Variants in CAMK4 observed in about 807,000 individuals in gnomAD.
The protein encoded by CAMK4 is calcium/calmodulin dependent protein kinase IV.
In CAMK4, 22 loss-of-function variants were observed where a neutral mutation model predicts 44.9. That is an observed-to-expected ratio of 0.49 (90% CI 0.35 to 0.70). The LOEUF is 0.70. CAMK4 is among the 30% of genes least tolerant of loss of function. The pLI, the probability that CAMK4 is intolerant of heterozygous loss-of-function variation, is 0.01. For synonymous variants in CAMK4, 218 were observed against 215.4 expected, an observed-to-expected ratio of 1.01 and a Z score of -0.11; for missense variants, 498 against 586.8, an observed-to-expected ratio of 0.85 and a Z score of 1.56.
At chr5:111,414,122 A>G (rs1436997526) in intron 5 of CAMK4, among the ~76,000 whole-genome samples, 1 of 152,196 alleles carries the variant, frequency 6.6e-6, no homozygotes, top group Non-Finnish European at 1.5e-5. Context: ...GCTGTGAGTC[A>G]GACTTTGGAC....
intron 1 of CAMK4, among the ~76,000 whole-genome samples, chr5:111,295,172 T>C (rs961482330): frequency 6.6e-6 from 1 of 152,196 alleles, no homozygotes; most frequent in Admixed American, 6.5e-5. Context: ...TTCCCCTTTA[T>C]CTCCTATTTA....
chr5:111,454,861 T>TAA lies in CAMK4; in HGVS notation c.625+5666_625+5667dup, dbSNP rs3216647. 1.5e-4 allele frequency among the ~76,000 whole-genome samples: 23 copies of TAA among 151,280 alleles called. No individual in the cohort carries two copies. The South Asian group carries it at 2.1e-3, about 14-fold the overall frequency. On this transcript the variant is annotated intron_variant, in intron 7 of 10. Transcript: ENST00000282356. ...GAAACCACTATGTTAAGGGCTTAGG[T>TAA]AAAAAAAAATTATATCTAATACGAA...
intron 1 of CAMK4, among the ~76,000 whole-genome samples, chr5:111,296,809 A>T (rs572559794): frequency 6.6e-6 from 1 of 152,342 alleles, no homozygotes; most frequent in African/African-American, 2.4e-5. Context: ...AGAGCCAGAC[A>T]CTTCTGATTC....
At chr5:111,308,831 A>T (rs1042761808) in intron 1 of CAMK4, among the ~76,000 whole-genome samples, 2 of 152,220 alleles carry the variant, frequency 1.3e-5, no homozygotes, top group African/African-American at 4.8e-5. Context: ...GGGAAAATTA[A>T]ATATTCAGTA....
chr5:111,457,505 C>T (rs983982778), intron 7 of CAMK4, among the ~76,000 whole-genome samples: 21 of 152,208 alleles, frequency 1.4e-4, no homozygotes, highest in Admixed American at 2.6e-4. Context: ...GATGATTCCA[C>T]ACACTTGCCA....
At position 111,284,171 on chromosome 5, in the gene CAMK4, T is replaced by C. The variant is rs547249276; in HGVS notation, c.161+59527T>C. On this transcript the variant is annotated intron_variant, in intron 1 of 10. Coordinates refer to ENST00000282356, the MANE Select transcript of CAMK4 (RefSeq NM_001744.6). ...CTTTATATCTCCCTTATTAACTCTATTGGCCAGAAAATTTTAAATATCTAG... is the reference window on the plus strand; with the variant it reads ...CTTTATATCTCCCTTATTAACTCTACTGGCCAGAAAATTTTAAATATCTAG... Among the ~76,000 whole-genome samples, 5 of 152,356 alleles carry C rather than the reference T, an allele frequency of 3.3e-5. No individual in the cohort carries two copies. The South Asian group carries it at 1.0e-3, about 32-fold the overall frequency.
At chr5:111,418,461 C>CT (rs1205479616) in intron 5 of CAMK4, among the ~76,000 whole-genome samples, 1 of 150,982 alleles carries the variant, frequency 6.6e-6, no homozygotes, top group African/African-American at 2.4e-5. Context: ...TTTTTATATA[C>CT]TTTAAGTTTT....
rs145326396 is a variant in CAMK4 at position 111,236,531 on chromosome 5, G to A, written c.161+11887G>A. Among the ~76,000 whole-genome samples, 534 of 152,360 alleles carry A rather than the reference G, an allele frequency of 3.5e-3. 4 individuals carry two copies. The highest frequency in any genetic ancestry group is 0.012 in the African/African-American group (497 of 41,582). ...AGAGCTGAGATTCAAGCCCTGGTTT[G>A]TCAGACTTCAGCACTCATGCTCTTT... is the stretch of plus-strand genomic sequence containing the variant. On this transcript the variant is annotated intron_variant, in intron 1 of 10. Transcript: ENST00000282356.
intron 1 of CAMK4, among the ~76,000 whole-genome samples, chr5:111,297,277 T>C (rs770385637): frequency 2.6e-5 from 4 of 152,186 alleles, no homozygotes; most frequent in Non-Finnish European, 5.9e-5. Context: ...TTTCCAAAAA[T>C]AGCACAATGC....
chr5:111,296,500 AG>A (rs756830156), intron 1 of CAMK4, among the ~76,000 whole-genome samples: 1 of 152,214 alleles, frequency 6.6e-6, no homozygotes, highest in African/African-American at 2.4e-5. Flanking sequence ...CTTTGCTGTC[AG>A]TTGATTTTTT....
intron 5 of CAMK4, among the ~76,000 whole-genome samples, chr5:111,414,396 G>GCAGCAGCAA (rs1026172399): frequency 1.8e-4 from 27 of 152,230 alleles, no homozygotes; most frequent in East Asian, 7.7e-4. Context: ...AGCAGCAGCA[G>GCAGCAGCAA]CAGCAGCAAC....
intron 1 of CAMK4, among the ~76,000 whole-genome samples, chr5:111,247,619 C>T (rs920179051): frequency 1.3e-5 from 2 of 151,570 alleles, no homozygotes; most frequent in Non-Finnish European, 1.5e-5. Flanking sequence ...AAGTCTGGAG[C>T]GGGAACTAAT....
intron 7 of CAMK4, among the ~76,000 whole-genome samples, chr5:111,467,652 A>G (rs1046871755): frequency 6.6e-6 from 1 of 152,188 alleles, no homozygotes; most frequent in African/African-American, 2.4e-5. Context: ...CCGCAATGCA[A>G]TGCCACCTTA....
chr5:111,401,704 G>A (rs753267369), intron 5 of CAMK4, among the ~76,000 whole-genome samples: 1 of 152,196 alleles, frequency 6.6e-6, no homozygotes, highest in Non-Finnish European at 1.5e-5. Flanking sequence ...CTCAAAAACG[G>A]AAAAGGCAAA....
intron 2 of CAMK4, among the ~76,000 whole-genome samples, chr5:111,348,143 C>A (rs1749942876): frequency 6.6e-6 from 1 of 151,872 alleles, no homozygotes; most frequent in Non-Finnish European, 1.5e-5. Context: ...ACCCAAATTC[C>A]ATTTTGCGGC....
At chr5:111,325,669 A>C (rs1748853817) in intron 1 of CAMK4, among the ~76,000 whole-genome samples, 1 of 152,084 alleles carries the variant, frequency 6.6e-6, no homozygotes, top group African/African-American at 2.4e-5. Context: ...TGGCCACATA[A>C]ATGTCTTCTT....
At chr5:111,343,929 A>T in intron 1 of CAMK4, 95 bp from the exon 2 acceptor site, 3 of 702,474 alleles carry the variant, frequency 4.3e-6, no homozygotes, top group East Asian at 2.6e-5. Context: ...CTTGTCAGTT[A>T]TGTGGGTTAT....
intron 5 of CAMK4, among the ~76,000 whole-genome samples, chr5:111,410,255 C>T (rs1752583525): frequency 6.6e-6 from 1 of 151,302 alleles, no homozygotes; most frequent in South Asian, 2.1e-4. Context: ...ACAATCATGG[C>T]AGAAGGGGAA....
intron 1 of CAMK4, among the ~76,000 whole-genome samples, chr5:111,332,527 C>T (rs1749214602): frequency 6.6e-6 from 1 of 151,478 alleles, no homozygotes. Flanking sequence ...GTGAGTAGTG[C>T]TGCAATAAAC....
Sources: gnomAD v4.1 joint callset for allele counts (sites outside exome capture counted in the v4.1 genomes callset) on GRCh38, gnomAD v4.1.1 for gene constraint, MANE v1.5 for transcripts, NCBI Gene and HGNC (gene_info 2026-07-23, HGNC 2026-07-21) for gene names.